Variants in PCDH15 observed in about 807,000 individuals in gnomAD.
The protein encoded by PCDH15 is protocadherin related 15, also known as protocadherin-15.
Under a neutral mutation model 178.5 loss-of-function variants are expected in PCDH15, and 129 were observed. That is an observed-to-expected ratio of 0.72 (90% CI 0.63 to 0.84). PCDH15 has a LOEUF of 0.84. Ranked by LOEUF, PCDH15 falls within the 40% of genes least tolerant of loss-of-function variation. PCDH15 has a pLI of 0.00. For synonymous variants in PCDH15, 800 were observed against 732.0 expected, an observed-to-expected ratio of 1.09 and a Z score of -1.50; for missense variants, 2,230 against 2,099.9, an observed-to-expected ratio of 1.06 and a Z score of -1.21.
chr10:55,170,311 G>T (rs1193957399), intron 1 of PCDH15, among the ~76,000 whole-genome samples: 1 of 151,348 alleles, frequency 6.6e-6, no homozygotes, highest in Non-Finnish European at 1.5e-5. Context: ...CACCATATTG[G>T]CTATTTAAAA....
intron 13 of PCDH15, among the ~76,000 whole-genome samples, chr10:54,170,630 G>T (rs1196144273): frequency 6.6e-6 from 1 of 151,356 alleles, no homozygotes; most frequent in Admixed American, 6.6e-5. Flanking sequence ...CATTATTCCT[G>T]ATACCACACC....
At chr10:54,709,323 T>C (rs546016296) in intron 1 of PCDH15, among the ~76,000 whole-genome samples, 43 of 152,116 alleles carry the variant, frequency 2.8e-4, no homozygotes, top group African/African-American at 9.6e-4. Flanking sequence ...TATTCTTGGA[T>C]TGATTGAAGA....
chr10:54,111,523 G>A (rs2095023322), intron 15 of PCDH15, among the ~76,000 whole-genome samples: 1 of 152,090 alleles, frequency 6.6e-6, no homozygotes, highest in Non-Finnish European at 1.5e-5. Flanking sequence ...GAAGCAAATG[G>A]AAGTTTTCAC....
intron 3 of PCDH15, among the ~76,000 whole-genome samples, chr10:54,873,175 GT>G (rs1435284977): frequency 1.3e-5 from 2 of 152,038 alleles, no homozygotes; most frequent in Non-Finnish European, 1.5e-5. Flanking sequence ...AAGGGGATAT[GT>G]TTTTTATATA....
chr10:55,099,673 T>C (rs1842530294), intron 2 of PCDH15, among the ~76,000 whole-genome samples: 2 of 152,008 alleles, frequency 1.3e-5, no homozygotes, highest in African/African-American at 4.8e-5. Context: ...GTAATATCCA[T>C]AAGAGTTGTT....
chr10:54,330,879 TGTG>T (rs1195607861), intron 6 of PCDH15, among the ~76,000 whole-genome samples: 1 of 151,958 alleles, frequency 6.6e-6, no homozygotes, highest in African/African-American at 2.4e-5. Context: ...GAAATTGTCT[TGTG>T]GTTGTTCAGT....
chr10:54,937,862 T>C (rs1406863735), intron 2 of PCDH15, among the ~76,000 whole-genome samples: 1 of 152,068 alleles, frequency 6.6e-6, no homozygotes, highest in African/African-American at 2.4e-5. Flanking sequence ...CTACCTTGTC[T>C]AGAACTTTGA....
intron 1 of PCDH15, among the ~76,000 whole-genome samples, chr10:55,314,462 A>C (rs539858802): frequency 6.6e-6 from 1 of 152,058 alleles, no homozygotes; most frequent in Admixed American, 6.6e-5. Context: ...AATGGGAAAC[A>C]ATTCCATGTC....
intron 9 of PCDH15, among the ~76,000 whole-genome samples, chr10:54,232,261 C>T (rs1296783739): frequency 6.6e-6 from 1 of 152,092 alleles, no homozygotes; most frequent in Non-Finnish European, 1.5e-5. Context: ...TGTGTAGTAC[C>T]ACCCCTTCTC....
intron 2 of PCDH15, among the ~76,000 whole-genome samples, chr10:54,552,208 T>C (rs946247839): frequency 6.6e-6 from 1 of 152,168 alleles, no homozygotes; most frequent in African/African-American, 2.4e-5. Flanking sequence ...TTCATGAATG[T>C]ACTCTCCTCT....
At chr10:55,575,578 A>G (rs1485055217) in intron 2 of PCDH15, 2 of 152,148 alleles carry the variant, frequency 1.3e-5, no homozygotes. Flanking sequence ...CTTTCAGAGT[A>G]GATTTATTTC....
chr10:54,699,473 A>G (rs2095278989), intron 1 of PCDH15, among the ~76,000 whole-genome samples: 1 of 152,074 alleles, frequency 6.6e-6, no homozygotes, highest in Non-Finnish European at 1.5e-5. Flanking sequence ...GGATTTCTGC[A>G]TGTTTTCAAT....
chr10:53,846,468 C>T (rs1035007087), intron 28 of PCDH15, among the ~76,000 whole-genome samples: 1 of 151,696 alleles, frequency 6.6e-6, no homozygotes, highest in East Asian at 1.9e-4. Context: ...AATTAATGTC[C>T]AATACAAAAC....
At chr10:55,506,609 G>C (rs1384940811) in intron 2 of PCDH15, among the ~76,000 whole-genome samples, 2 of 151,520 alleles carry the variant, frequency 1.3e-5, no homozygotes, top group African/African-American at 2.4e-5. Context: ...AGGTATCGAG[G>C]AGGAACAAAC....
chr10:54,364,594 A>G (rs1303043632), intron 5 of PCDH15, among the ~76,000 whole-genome samples: 1 of 152,178 alleles, frequency 6.6e-6, no homozygotes, highest in Non-Finnish European at 1.5e-5. Context: ...TTCAATGTTC[A>G]AATCTTATGT....
At chr10:54,879,909 C>G (rs550705106) in intron 3 of PCDH15, among the ~76,000 whole-genome samples, 5 of 151,940 alleles carry the variant, frequency 3.3e-5, no homozygotes, top group Non-Finnish European at 7.4e-5. Flanking sequence ...TTAATGTTAA[C>G]ATTTTTCCAT....
chr10:55,296,781 C>A (rs1482664806), intron 1 of PCDH15, among the ~76,000 whole-genome samples: 1 of 152,038 alleles, frequency 6.6e-6, no homozygotes, highest in Non-Finnish European at 1.5e-5. Context: ...TTCCATAAAT[C>A]TTGACAAACA....
chr10:55,342,910 T>A (rs1844643516), intron 2 of PCDH15, among the ~76,000 whole-genome samples: 1 of 152,150 alleles, frequency 6.6e-6, no homozygotes, highest in Non-Finnish European at 1.5e-5. Context: ...GGCTGTGAGC[T>A]GTTTCTAGGA....
At chr10:55,092,075 G>A (rs1842333037) in intron 2 of PCDH15, among the ~76,000 whole-genome samples, 1 of 151,740 alleles carries the variant, frequency 6.6e-6, no homozygotes, top group African/African-American at 2.4e-5. Context: ...TAAAGAAAAT[G>A]TTCCATTGTA....
Sources: gnomAD v4.1 joint callset for allele counts (sites outside exome capture counted in the v4.1 genomes callset) on GRCh38, gnomAD v4.1.1 for gene constraint, MANE v1.5 for transcripts, NCBI Gene and HGNC (gene_info 2026-07-23, HGNC 2026-07-21) for gene names.